The following PTPRT variants were observed in gnomAD, a reference collection of about 807,000 sequenced individuals.
The protein encoded by PTPRT is receptor-type tyrosine-protein phosphatase T.
A neutral mutation model predicts 176.8 loss-of-function variants in PTPRT; 56 were observed. That is an observed-to-expected ratio of 0.32 (90% confidence interval 0.26 to 0.40). The LOEUF (loss-of-function observed/expected upper bound fraction) is 0.40. Among genes scored for constraint, PTPRT ranks in the 10% least tolerant of loss-of-function variants. The probability of loss-of-function intolerance (pLI) is 1.00; values close to 1 mark genes in which losing one functional copy is unlikely to be tolerated. For synonymous variants in PTPRT, 783 were observed against 739.0 expected, an observed-to-expected ratio of 1.06 and a Z score of -0.96; for missense variants, 1,540 against 1,908.2, an observed-to-expected ratio of 0.81 and a Z score of 3.60.
intron 16 of PTPRT, among the ~76,000 whole-genome samples, chr20:42,186,514 G>A (rs1990790646): frequency 6.6e-6 from 1 of 151,872 alleles, no homozygotes; most frequent in Non-Finnish European, 1.5e-5. Context: ...TAAGTACTGT[G>A]AGAAGATTAT....
At chr20:43,023,933 C>T (rs577210508) in intron 1 of PTPRT, among the ~76,000 whole-genome samples, 1 of 152,258 alleles carries the variant, frequency 6.6e-6, no homozygotes, top group East Asian at 1.9e-4. Flanking sequence ...ATTATTTATT[C>T]CCAGGGATGC....
At chr20:42,389,314 C>G (rs921852893) in intron 9 of PTPRT, among the ~76,000 whole-genome samples, 2 of 151,888 alleles carry the variant, frequency 1.3e-5, no homozygotes, top group Non-Finnish European at 2.9e-5. Context: ...ATCTGATTCT[C>G]AAGGTAAATT....
chr20:42,979,625 T>C (rs776631807), intron 1 of PTPRT, among the ~76,000 whole-genome samples: 10 of 151,974 alleles, frequency 6.6e-5, no homozygotes, highest in Non-Finnish European at 1.3e-4. Flanking sequence ...CACTGGCAGA[T>C]AAATTATGGA....
intron 25 of PTPRT, among the ~76,000 whole-genome samples, chr20:42,103,379 A>G (rs73909211): frequency 0.02 from 3,068 of 152,352 alleles, 111 homozygotes; most frequent in African/African-American, 0.069. Context: ...TGTCTGGGCC[A>G]GGTCCGAGAT....
the PTPRT span, among the ~76,000 whole-genome samples, chr20:42,038,677 C>G: frequency 2.0e-5 from 3 of 152,106 alleles, no homozygotes; most frequent in Non-Finnish European, 4.4e-5. Flanking sequence ...TAGAGTCTAC[C>G]CTGTAGGGTG....
At chr20:43,159,115 C>T (rs1164179086) in intron 1 of PTPRT, among the ~76,000 whole-genome samples, 1 of 152,200 alleles carries the variant, frequency 6.6e-6, no homozygotes, top group East Asian at 1.9e-4. Flanking sequence ...GGTGTGTTCT[C>T]AAGCCAGTTA....
At chr20:42,384,897 G>T (rs961268777) in intron 9 of PTPRT, among the ~76,000 whole-genome samples, 2 of 152,148 alleles carry the variant, frequency 1.3e-5, no homozygotes, top group Non-Finnish European at 2.9e-5. Context: ...TTGGAGAAAT[G>T]TTGATTCAAG....
At chr20:42,586,019 T>C (rs1470042022) in intron 7 of PTPRT, among the ~76,000 whole-genome samples, 2 of 152,188 alleles carry the variant, frequency 1.3e-5, no homozygotes, top group Non-Finnish European at 2.9e-5. Context: ...ACTTGTACTG[T>C]CGGTCCTTTT....
chr20:42,521,730 T>A (rs2072180530), intron 7 of PTPRT, among the ~76,000 whole-genome samples: 1 of 152,206 alleles, frequency 6.6e-6, no homozygotes, highest in Non-Finnish European at 1.5e-5. Flanking sequence ...TGCTTGAAAG[T>A]CAGTCTTGCT....
chr20:43,136,394 T>C (rs1170868645), intron 1 of PTPRT, among the ~76,000 whole-genome samples: 1 of 152,238 alleles, frequency 6.6e-6, no homozygotes, highest in Non-Finnish European at 1.5e-5. Flanking sequence ...AAATGCTTGC[T>C]AAATAAATGA....
chr20:43,059,779 G>A (rs1987379563), intron 1 of PTPRT, among the ~76,000 whole-genome samples: 1 of 152,118 alleles, frequency 6.6e-6, no homozygotes, highest in African/African-American at 2.4e-5. Context: ...AGGAGTTCAA[G>A]ACCAGCCTGG....
chr20:42,303,691 C>T (rs183401496), intron 12 of PTPRT, among the ~76,000 whole-genome samples: 63 of 152,170 alleles, frequency 4.1e-4, no homozygotes, highest in African/African-American at 1.3e-3. Flanking sequence ...GACAAGCAAT[C>T]GTGGATGTGG....
At chr20:42,264,169 A>G (rs571181000) in intron 13 of PTPRT, among the ~76,000 whole-genome samples, 2 of 152,298 alleles carry the variant, frequency 1.3e-5, no homozygotes, top group Admixed American at 1.3e-4. Context: ...GGAGAGAAAA[A>G]GGTGCAGTGA....
chr20:42,948,938 GTTC>G (rs1981060040), intron 1 of PTPRT, among the ~76,000 whole-genome samples: 1 of 152,122 alleles, frequency 6.6e-6, no homozygotes, highest in African/African-American at 2.4e-5. Context: ...CTGGGAACAC[GTTC>G]CATGAACCCA....
intron 9 of PTPRT, among the ~76,000 whole-genome samples, chr20:42,386,798 T>G (rs2058749238): frequency 6.6e-6 from 1 of 152,070 alleles, no homozygotes; most frequent in Admixed American, 6.5e-5. Context: ...AGGCGGAAGT[T>G]GCAGTGAGCC....
intron 5 of PTPRT, among the ~76,000 whole-genome samples, chr20:42,763,620 C>T (rs922962346): frequency 1.4e-4 from 22 of 152,188 alleles, no homozygotes; most frequent in African/African-American, 5.3e-4. Context: ...GTATTCTTTT[C>T]ACTTCTAGTC....
intron 6 of PTPRT, among the ~76,000 whole-genome samples, chr20:42,692,000 G>A (rs1022146602): frequency 2.0e-5 from 3 of 152,122 alleles, no homozygotes; most frequent in Admixed American, 6.5e-5. Flanking sequence ...ATAGGCCCAG[G>A]GAACTCAATG....
chr20:43,082,943 T>C (rs2011479592), intron 1 of PTPRT, among the ~76,000 whole-genome samples: 1 of 152,046 alleles, frequency 6.6e-6, no homozygotes, highest in African/African-American at 2.4e-5. Flanking sequence ...GCTGACCCAC[T>C]CTTCTTCTTC....
At chr20:42,634,022 A>ATT (rs2074513586) in intron 7 of PTPRT, among the ~76,000 whole-genome samples, 4 of 29,574 alleles carry the variant, frequency 1.4e-4, no homozygotes, top group Admixed American at 1.4e-3. Flanking sequence ...ATATATATAT[A>ATT]ATATATATAT....
Sources: gnomAD v4.1 joint callset for allele counts (sites outside exome capture counted in the v4.1 genomes callset) on GRCh38, gnomAD v4.1.1 for gene constraint, MANE v1.5 for transcripts, NCBI Gene and HGNC (gene_info 2026-07-23, HGNC 2026-07-21) for gene names.